Variants in GRM7 observed in about 807,000 individuals in gnomAD.
GRM7 encodes metabotropic glutamate receptor 7.
GRM7 carries 35 observed loss-of-function variants against 84.5 expected under a neutral mutation model. The ratio of observed to expected loss-of-function variants is 0.41; its 90% confidence interval spans 0.32 to 0.55. GRM7 has a LOEUF of 0.55. Among genes scored for constraint, GRM7 ranks in the 20% least tolerant of loss-of-function variants. GRM7 has a pLI of 0.19. For synonymous variants in GRM7, 487 were observed against 455.1 expected (o/e 1.07, Z -0.89); for missense variants, 1,003 against 1,194.6 (o/e 0.84, Z 2.36).
chr3:7,007,550 T>G (rs949497464), intron 1 of GRM7, among the ~76,000 whole-genome samples: 3 of 152,208 alleles, frequency 2.0e-5, no homozygotes, highest in Non-Finnish European at 2.9e-5. Flanking sequence ...CTTTTCTTTC[T>G]CCATTCCCAG....
chr3:7,656,779 G>C (rs1699222762), intron 8 of GRM7, among the ~76,000 whole-genome samples: 1 of 152,062 alleles, frequency 6.6e-6, no homozygotes, highest in African/African-American at 2.4e-5. Flanking sequence ...TGGTCAAAGA[G>C]AGGTTCTAGA....
intron 1 of GRM7, among the ~76,000 whole-genome samples, chr3:7,056,238 A>G (rs1697215179): frequency 6.6e-6 from 1 of 151,990 alleles, no homozygotes; most frequent in Non-Finnish European, 1.5e-5. Context: ...CAGTTTCTGG[A>G]AAAGAGGACT....
rs148883663 is a variant in GRM7, at chr3:7,066,639, T to C, written c.520-79813T>C. On this transcript the variant is annotated intron_variant, in intron 1 of 9. Coordinates refer to ENST00000357716, the MANE Select transcript of GRM7 (RefSeq NM_000844.4). The stretch of plus-strand genomic sequence containing the variant: ...ATCCTTTTGACACTATTCCACAAGA[T>C]AGAGAAAGAAGGAACTCTCCCTAAT... 2.7e-3 allele frequency among the ~76,000 whole-genome samples: 416 copies of C among 151,942 alleles called. 1 individual carries two copies. Among genetic ancestry groups the C allele is most frequent in the African/African-American group, 9.5e-3 (396 of 41,498 alleles).
chr3:7,647,257 A>C (rs1430733734), intron 8 of GRM7, among the ~76,000 whole-genome samples: 1 of 152,200 alleles, frequency 6.6e-6, no homozygotes, highest in Non-Finnish European at 1.5e-5. Flanking sequence ...TTAGCTTCAC[A>C]GTGGCCCCTG....
At chr3:7,030,867 G>A (rs1223321371) in intron 1 of GRM7, among the ~76,000 whole-genome samples, 2 of 152,078 alleles carry the variant, frequency 1.3e-5, no homozygotes, top group Non-Finnish European at 2.9e-5. Flanking sequence ...TTATTTAAAA[G>A]CAAATGATTC....
chr3:7,140,891 G>A (rs1693924398), intron 1 of GRM7, among the ~76,000 whole-genome samples: 2 of 151,956 alleles, frequency 1.3e-5, no homozygotes, highest in South Asian at 4.1e-4. Context: ...GAGACTTTGG[G>A]CCATATGATC....
intron 5 of GRM7, among the ~76,000 whole-genome samples, chr3:7,448,114 G>A (rs1246624093): frequency 6.6e-6 from 1 of 151,848 alleles, no homozygotes; most frequent in Non-Finnish European, 1.5e-5. Context: ...ATTCCATGGT[G>A]TATATGTGCC....
chr3:7,702,806 T>G (rs1436550918), intron 9 of GRM7, among the ~76,000 whole-genome samples: 1 of 152,170 alleles, frequency 6.6e-6, no homozygotes, highest in Non-Finnish European at 1.5e-5. Flanking sequence ...GGGATGCAAC[T>G]TATTGGAACA....
chr3:6,907,658 A>T (rs753618343), intron 1 of GRM7, among the ~76,000 whole-genome samples: 3 of 152,168 alleles, frequency 2.0e-5, no homozygotes, highest in Non-Finnish European at 4.4e-5. Context: ...TAGAAAGAAG[A>T]ATGAAAAGAA....
At chr3:7,517,996 C>G (rs2124986408) in intron 7 of GRM7, among the ~76,000 whole-genome samples, 1 of 152,286 alleles carries the variant, frequency 6.6e-6, no homozygotes, top group South Asian at 2.1e-4. Flanking sequence ...CTCATTTTGT[C>G]ATAAAAGAGG....
chr3:7,514,862 G>A (rs1161138946), intron 7 of GRM7, among the ~76,000 whole-genome samples: 1 of 152,078 alleles, frequency 6.6e-6, no homozygotes, highest in Non-Finnish European at 1.5e-5. Flanking sequence ...AGTCCGCTTC[G>A]ATGAAACTTT....
At chr3:7,638,099 A>G (rs1187687114) in intron 8 of GRM7, among the ~76,000 whole-genome samples, 1 of 152,196 alleles carries the variant, frequency 6.6e-6, no homozygotes, top group African/African-American at 2.4e-5. Flanking sequence ...TGAGTTCAAC[A>G]ATTATCTACT....
At chr3:6,902,405 A>G (rs1184080008) in intron 1 of GRM7, among the ~76,000 whole-genome samples, 1 of 152,170 alleles carries the variant, frequency 6.6e-6, no homozygotes, top group African/African-American at 2.4e-5. Context: ...AGAATTTGGA[A>G]CCCAAAGCCC....
intron 7 of GRM7, among the ~76,000 whole-genome samples, chr3:7,479,592 A>T (rs1699050796): frequency 6.6e-6 from 1 of 152,188 alleles, no homozygotes; most frequent in Non-Finnish European, 1.5e-5. Context: ...ACAATAAGTG[A>T]AAAGAGTTAA....
intron 2 of GRM7, among the ~76,000 whole-genome samples, chr3:7,175,096 A>G (rs1454685618): frequency 6.6e-6 from 1 of 152,204 alleles, no homozygotes; most frequent in Non-Finnish European, 1.5e-5. Flanking sequence ...AAAACCAAGA[A>G]AAGTATGTGT....
chr3:7,139,861 C>T (rs1325300183), intron 1 of GRM7, among the ~76,000 whole-genome samples: 2 of 151,914 alleles, frequency 1.3e-5, no homozygotes, highest in Admixed American at 6.6e-5. Flanking sequence ...GCAAAGAAAA[C>T]AATCAATGAT....
intron 1 of GRM7, among the ~76,000 whole-genome samples, chr3:6,889,718 C>T (rs1481259339): frequency 4.6e-5 from 7 of 152,030 alleles, no homozygotes; most frequent in East Asian, 1.9e-4. Flanking sequence ...CTCTGCCTGG[C>T]TTTGGTATCA....
chr3:7,006,304 A>C (rs903238826), intron 1 of GRM7, among the ~76,000 whole-genome samples: 3 of 152,218 alleles, frequency 2.0e-5, no homozygotes, highest in Non-Finnish European at 4.4e-5. Flanking sequence ...ACTGAGCTTC[A>C]TAGTCATACT....
chr3:7,570,490 C>G (rs143952611), intron 7 of GRM7, among the ~76,000 whole-genome samples: 1 of 152,220 alleles, frequency 6.6e-6, no homozygotes, highest in Non-Finnish European at 1.5e-5. Flanking sequence ...GCAGTCAAAT[C>G]TTAAGCTCCA....
Sources: allele counts gnomAD v4.1 joint callset (sites outside exome capture counted in the v4.1 genomes callset), GRCh38; gene constraint gnomAD v4.1.1; transcripts MANE v1.5; gene names NCBI Gene and HGNC (gene_info 2026-07-23, HGNC 2026-07-21).